Variants in PKD1 observed in about 807,000 individuals in gnomAD.
PKD1 encodes polycystin-1.
Under a neutral mutation model 361.7 loss-of-function variants are expected in PKD1, and 81 were observed. The observed-to-expected ratio is 0.22, with a 90% CI of 0.19 to 0.27. The LOEUF is 0.27. Ranked by LOEUF, PKD1 falls within the 10% of genes least tolerant of loss-of-function variation. PKD1 has a pLI of 1.00. For missense variants in PKD1, 6,399 were observed against 6,118.3 expected, an observed-to-expected ratio of 1.05 and a Z score of -1.53; for synonymous variants, 3,615 against 2,818.3, an observed-to-expected ratio of 1.28 and a Z score of -8.95.
At chr16:2,092,622 C>T (rs1320109723) in intron 38 of PKD1, 30 bp from the exon 39 acceptor site, 1 of 1,465,858 alleles carries the variant, frequency 6.8e-7, no homozygotes, top group Non-Finnish European at 9.5e-7. Context: ...ACGCTCCAGC[C>T]CCTACTGCCC....
Position 2,090,971 on chromosome 16 carries a change from G to A in PKD1, c.11916C>T (p.Arg3972=), listed in dbSNP as rs77634115. Residue 3972 remains arginine, a synonymous_variant, in exon 43 of 46, where the codon CGC becomes CGT. Transcript: ENST00000262304. ...QWTRFVRGRP[R]RFTSFDQVAQ... ...CCACCTGGTCGAAGCTAGTGAAGCG[G>A]CGCGGGCGGCCGCGCACGAAACGGG... is the stretch of plus-strand genomic sequence containing the variant. The A allele has an allele frequency of 0.03, 45,984 of 1,543,072 alleles. 825 individuals carry two copies. The highest frequency in any genetic ancestry group is 0.035 in the Non-Finnish European group (40,632 of 1,150,560).
rs1356548571 is a variant in PKD1 at position 2,107,976 on chromosome 16, G to T, written c.6972C>A (p.Thr2324=). The change falls in exon 16 of 46, where the codon ACC becomes ACA. Residue 2324 remains threonine, a synonymous_variant. Coordinates refer to ENST00000262304, the MANE Select transcript of PKD1 (RefSeq NM_001009944.3). Reference sequence around the variant, plus strand: ...CAGCCGCCAGCCGCTCCCGTGGAATGGTGACCGTGCTGCTCCCGCGGGGCC... The same window carrying T: ...CAGCCGCCAGCCGCTCCCGTGGAATTGTGACCGTGCTGCTCCCGCGGGGCC... ...NFGPRGSSTV[T]IPRERLAAGV... The T allele has an allele frequency of 3.9e-6, 6 of 1,548,340 alleles. No homozygotes were observed. The Admixed American group carries it at 7.8e-5, about 20-fold the overall frequency.
Position 2,092,060 on chromosome 16 carries a change from G to A in PKD1, c.11398C>T (p.Pro3800Ser), listed in dbSNP as rs1307155597. 6.2e-7 allele frequency: 1 copy of A among 1,612,676 alleles called. No homozygotes were observed. Among genetic ancestry groups the A allele is most frequent in the African/African-American group, 1.3e-5 (1 of 74,936 alleles). Residue 3800 changes from proline to serine, a missense_variant, in exon 40 of 46, where the codon CCG (proline) becomes TCG (serine). By Grantham distance (74) the Pro-to-Ser change is moderately conservative (BLOSUM62 -1). Coordinates refer to ENST00000262304, the MANE Select transcript of PKD1 (RefSeq NM_001009944.3). ...CGCTCTGCTCACCCCAGCAGATCCG[G>A]CGCTGAATAGGCCCACGTCCCCGAG... ...NGSGTWAYSA[P>S]DLLGAWSWGS... is the part of the protein sequence containing the mutation.
rs1226952678 is a variant in PKD1 at position 2,115,892 on chromosome 16, C to T, written c.1849+100G>A. The T allele has an allele frequency of 2.4e-5, 32 of 1,351,952 alleles. No homozygotes were observed. The South Asian group carries it at 2.5e-4, about 11-fold the overall frequency. The allele number at this position is 1,351,952 out of a possible 1,614,324, so 83.7% of individuals were successfully genotyped here. On this transcript the variant is annotated intron_variant, in intron 9 of 45. Transcript: ENST00000262304. ...TGCTCTGTCCACCTAAGACTGGGAACCACTCTGGTGGCCACAGGACCAGCA... is the reference window on the plus strand; with the variant it reads ...TGCTCTGTCCACCTAAGACTGGGAATCACTCTGGTGGCCACAGGACCAGCA...
At chr16:2,126,439 G>A (rs2092800956) in intron 1 of PKD1, among the ~76,000 whole-genome samples, 1 of 152,266 alleles carries the variant, frequency 6.6e-6, no homozygotes, top group Non-Finnish European at 1.5e-5. Flanking sequence ...GACCCAGCCC[G>A]CCTCAGCCCC....
At position 2,119,176 on chromosome 16, in the gene PKD1, G is replaced by A. The variant is rs550712350; in HGVS notation, c.297C>T (p.Ser99=). The A allele has an allele frequency of 4.6e-5, 71 of 1,535,380 alleles. No homozygotes were observed. The Admixed American group carries it at 5.5e-4, about 12-fold the overall frequency. The change falls in exon 3 of 46, where the codon AGC becomes AGT. Residue 99 remains serine, a synonymous_variant. Transcript: ENST00000262304. ...NLSALAELDI[S]NNKISTLEEG... ...CTTCTAACGTAGAAATCTTGTTGTT[G>A]CTTATATCCCTGGAAGAGACGGGGG...
At chr16:2,125,849 T>G (rs190752045) in intron 1 of PKD1, among the ~76,000 whole-genome samples, 22 of 152,268 alleles carry the variant, frequency 1.4e-4, no homozygotes, top group Admixed American at 2.6e-4. Flanking sequence ...TCACAGCCTG[T>G]GTGGGCAGGT....
Position 2,099,967 on chromosome 16 carries a change from T to G in PKD1, c.9817A>C (p.Ser3273Arg). 1 of 1,563,560 alleles carries G rather than the reference T, an allele frequency of 6.4e-7. No homozygotes were observed. The highest frequency in any genetic ancestry group is 8.7e-7 in the Non-Finnish European group (1 of 1,155,624). ...WLSIWDRPPR[S>R]RFTRIQRATC... The stretch of plus-strand genomic sequence containing the variant: ...GCCCTCTGGATGCGAGTGAAACGGC[T>G]ACGAGGCGGCCGGTCCCATATGGAG... Residue 3273 changes from serine (S) to arginine (R), a missense_variant, in exon 29 of 46, where the codon AGC becomes CGC. Transcript: ENST00000262304.
intron 37 of PKD1, 108 bp from the exon 38 acceptor site, chr16:2,093,201 T>C: frequency 1.4e-6 from 2 of 1,383,350 alleles, no homozygotes; most frequent in Non-Finnish European, 1.0e-6. Context: ...TGCAGGAAGG[T>C]GAGCTGGCAG....
rs1409893063 is a variant in PKD1, at chr16:2,108,773, A to T, written c.6394T>A (p.Phe2132Ile). The T allele has an allele frequency of 6.4e-7, 1 of 1,572,534 alleles. No individual in the cohort carries two copies. The highest frequency in any genetic ancestry group is 1.2e-5 in the South Asian group (1 of 86,428). ...GTCACCGTGGCCTGCGCCACGAAGAAGCTCACCAGGTTGGAGGCGTTCACC... is the reference window on the plus strand; with the variant it reads ...GTCACCGTGGCCTGCGCCACGAAGATGCTCACCAGGTTGGAGGCGTTCACC... ...VQVNASNLVSFFVAQATVTVQ... is the reference protein window; with the variant it reads ...VQVNASNLVSIFVAQATVTVQ... Residue 2132 changes from phenylalanine to isoleucine, a missense_variant, in exon 15 of 46, where the codon TTC (phenylalanine) becomes ATC (isoleucine). Physicochemically the swap from Phe to Ile is conservative, Grantham distance 21. Transcript: ENST00000262304.
At position 2,108,501 on chromosome 16, in the gene PKD1, C is replaced by T. The variant is rs370851999; in HGVS notation, c.6666G>A (p.Ala2222=). The T allele has an allele frequency of 3.4e-5, 55 of 1,608,844 alleles. No individual in the cohort carries two copies. The highest frequency in any genetic ancestry group is 1.1e-4 in the East Asian group (5 of 44,872). ...CAAAGCAGTAGTGCCCCACAGGCAG[C>T]GCCAGCCGCGGCAGCACCAGCCGAG... The part of the protein sequence containing the change: ...SRPRLVLPRL[A]LPVGHYCFVF... The change falls in exon 15 of 46, where the codon GCG becomes GCA. Residue 2222 remains alanine (A), a synonymous_variant. Transcript: ENST00000262304.
chr16:2,090,299 T>C lies in PKD1; in HGVS notation c.12430A>G (p.Ser4144Gly), dbSNP rs753219515. The C allele has an allele frequency of 3.7e-6, 6 of 1,610,528 alleles. No individual in the cohort carries two copies. The highest frequency in any genetic ancestry group is 4.2e-6 in the Non-Finnish European group (5 of 1,178,476). The change falls in exon 45 of 46, where the codon AGC becomes GGC. Residue 4144 changes from serine (S) to glycine (G), a missense_variant. Coordinates refer to ENST00000262304, the MANE Select transcript of PKD1 (RefSeq NM_001009944.3). The part of the protein sequence containing the change: ...LRRLRLWMGL[S>G]KVKEFRHKVR... ...GCCGTACCCACCTCCTTGACCTTGC[T>C]GAGGCCCATCCAGAGGCGCAGCCTG...
At chr16:2,117,437 G>C (rs3893753) in intron 6 of PKD1, 52 bp downstream of exon 6, 10 of 1,309,254 alleles carry the variant, frequency 7.6e-6, no homozygotes, top group East Asian at 2.5e-5. Flanking sequence ...CTCTGCCCCA[G>C]TGCTTCAGAG....
intron 1 of PKD1, among the ~76,000 whole-genome samples, chr16:2,122,196 T>C (rs968209447): frequency 6.6e-6 from 1 of 152,200 alleles, no homozygotes; most frequent in African/African-American, 2.4e-5. Context: ...AGCCAGGCCC[T>C]CACCTGGGCT....
chr16:2,091,698 C>A, intron 41 of PKD1, 83 bp downstream of exon 41: 1 of 1,576,768 alleles, frequency 6.3e-7, no homozygotes, highest in Non-Finnish European at 8.6e-7. Flanking sequence ...GCCGCCTAGG[C>A]CAGCGGGGGC....
At chr16:2,130,676 G>C (rs1219148776) in intron 1 of PKD1, among the ~76,000 whole-genome samples, 2 of 152,176 alleles carry the variant, frequency 1.3e-5, no homozygotes, top group Non-Finnish European at 2.9e-5. Flanking sequence ...GCGCTCTAAG[G>C]CATCAGGCCT....
At position 2,115,620 on chromosome 16, in the gene PKD1, G is replaced by C; in HGVS notation, c.1855C>G (p.Pro619Ala). The change falls in exon 10 of 46, where the codon CCG becomes GCG. Residue 619 changes from proline (P) to alanine (A), a missense_variant. Pro to Ala is a conservative substitution (Grantham distance 27). Coordinates refer to ENST00000262304, the MANE Select transcript of PKD1 (RefSeq NM_001009944.3). ...CTCTCAGGCTCGCTGCCGTTCTCCG[G>C]GGTCCCTGTGAGGAGGGGAGGGTGT... ...VYRLLSTAGT[P>A]ENGSEPESRS... 6.2e-7 allele frequency: 1 copy of C among 1,600,942 alleles called. No individual in the cohort carries two copies. Among genetic ancestry groups the C allele is most frequent in the Non-Finnish European group, 8.5e-7 (1 of 1,177,040 alleles).
Position 2,093,083 on chromosome 16 carries a change from A to C in PKD1, c.11027T>G (p.Val3676Gly), listed in dbSNP as rs760076720. ...GGTCACCAGCAGAAAAAGCATGTAC[A>C]CCAGGAGGCTCTGGTGGACGGGGGG... ...RLHGMLRSLLVYMLFLLVTLL... is the reference protein window; with the variant it reads ...RLHGMLRSLLGYMLFLLVTLL... Residue 3676 changes from valine (V) to glycine (G), a missense_variant, in exon 38 of 46, where the codon GTG (valine) becomes GGG (glycine). By Grantham distance (109) the Val-to-Gly change is moderately radical (BLOSUM62 -3). Coordinates refer to ENST00000262304, the MANE Select transcript of PKD1 (RefSeq NM_001009944.3). 57 of 1,612,460 alleles carry C rather than the reference A, an allele frequency of 3.5e-5. No individual in the cohort carries two copies. The highest frequency in any genetic ancestry group is 4.7e-5 in the Non-Finnish European group (55 of 1,179,944).
chr16:2,130,759 T>C (rs28535323), intron 1 of PKD1, among the ~76,000 whole-genome samples: 4,130 of 152,282 alleles, frequency 0.027, 200 homozygotes, highest in African/African-American at 0.094. Context: ...GCGCCTGCTG[T>C]CCCTACACTC....
Sources: allele counts gnomAD v4.1 joint callset (sites outside exome capture counted in the v4.1 genomes callset), GRCh38; gene constraint gnomAD v4.1.1; transcripts MANE v1.5; gene names NCBI Gene and HGNC (gene_info 2026-07-23, HGNC 2026-07-21).